Variants in RERE observed in about 807,000 individuals in gnomAD.
The protein encoded by RERE is arginine-glutamic acid dipeptide repeats.
In RERE, 40 loss-of-function variants were observed where a neutral mutation model predicts 146.1. The ratio of observed to expected loss-of-function variants is 0.27; its 90% CI spans 0.21 to 0.36. The LOEUF (loss-of-function observed/expected upper bound fraction) is 0.36. RERE is among the 10% of genes least tolerant of loss of function. The pLI, the probability that RERE is intolerant of heterozygous loss-of-function variation, is 1.00. For missense variants in RERE, 1,933 were observed against 2,138.7 expected (o/e 0.90, Z 1.90); for synonymous variants, 1,003 against 866.0 (o/e 1.16, Z -2.78).
chr1:8,792,358 G>A (rs1641378962), intron 1 of RERE: 1 of 152,130 alleles, frequency 6.6e-6, no homozygotes, highest in Non-Finnish European at 1.5e-5. Context: ...ATTCTTACGG[G>A]ATCCTCTTAT....
chr1:8,530,952 A>G (rs923772497), intron 7 of RERE, among the ~76,000 whole-genome samples: 2 of 151,652 alleles, frequency 1.3e-5, no homozygotes, highest in African/African-American at 4.8e-5. Flanking sequence ...CGGCCTCCCA[A>G]AGTGCTGGGA....
At chr1:8,532,206 G>A (rs148705415) in intron 7 of RERE, among the ~76,000 whole-genome samples, 23 of 152,162 alleles carry the variant, frequency 1.5e-4, no homozygotes, top group African/African-American at 4.8e-4. Context: ...GCTAGACTCC[G>A]TTTGTTAACA....
chr1:8,429,123 T>A (rs1644058874), intron 11 of RERE, among the ~76,000 whole-genome samples: 1 of 152,200 alleles, frequency 6.6e-6, no homozygotes, highest in Non-Finnish European at 1.5e-5. Context: ...CCAGCCACTG[T>A]CTTAAAGGCT....
At chr1:8,800,290 T>G (rs1641562889) in intron 1 of RERE, among the ~76,000 whole-genome samples, 1 of 151,184 alleles carries the variant, frequency 6.6e-6, no homozygotes, top group Non-Finnish European at 1.5e-5. Context: ...ATTAAATGAC[T>G]AAAATCCAGA....
intron 12 of RERE, chr1:8,380,755 T>A: frequency 2.3e-6 from 1 of 433,570 alleles, no homozygotes; most frequent in South Asian, 1.6e-5. Flanking sequence ...AGGTAGAGAT[T>A]TCTCTTTAAG....
intron 4 of RERE, among the ~76,000 whole-genome samples, chr1:8,594,068 A>G (rs1484101836): frequency 6.6e-6 from 1 of 152,168 alleles, no homozygotes; most frequent in African/African-American, 2.4e-5. Context: ...TGACGCTCCC[A>G]TTTTGCAGAC....
chr1:8,632,464 A>G (rs77753730), intron 2 of RERE, among the ~76,000 whole-genome samples: 5,643 of 152,208 alleles, frequency 0.037, 340 homozygotes, highest in African/African-American at 0.13. Flanking sequence ...TTGGCAAATG[A>G]TTTTATTATA....
chr1:8,410,864 G>A (rs1570171968), intron 12 of RERE, among the ~76,000 whole-genome samples: 2 of 152,152 alleles, frequency 1.3e-5, no homozygotes, highest in East Asian at 3.8e-4. Flanking sequence ...CCCCCAGGGA[G>A]CACAACCGCA....
chr1:8,692,422 A>T (rs1639226908), intron 1 of RERE, among the ~76,000 whole-genome samples: 1 of 150,810 alleles, frequency 6.6e-6, no homozygotes, highest in South Asian at 2.1e-4. Context: ...ATCTCAGCTC[A>T]CTGCAACTTC....
intron 4 of RERE, among the ~76,000 whole-genome samples, chr1:8,608,747 G>A (rs1379577244): frequency 6.6e-6 from 1 of 152,196 alleles, no homozygotes; most frequent in East Asian, 1.9e-4. Flanking sequence ...GCGGCTTGAT[G>A]CCCCTTTTGG....
chr1:8,584,508 C>T (rs148278424), intron 4 of RERE, among the ~76,000 whole-genome samples: 1,666 of 152,244 alleles, frequency 0.011, 19 homozygotes, highest in Non-Finnish European at 0.014. Flanking sequence ...GATCCTGCCA[C>T]GGTATTCCAG....
At chr1:8,712,806 A>C (rs1354555999) in intron 1 of RERE, among the ~76,000 whole-genome samples, 1 of 152,190 alleles carries the variant, frequency 6.6e-6, no homozygotes, top group Admixed American at 6.5e-5. Flanking sequence ...CAAAATAAAA[A>C]AAAAACACAG....
intron 1 of RERE, among the ~76,000 whole-genome samples, chr1:8,715,520 T>C (rs1639748000): frequency 6.6e-6 from 1 of 151,680 alleles, no homozygotes; most frequent in East Asian, 1.9e-4. Context: ...TTAATAATAA[T>C]AATAATATAA....
chr1:8,465,774 G>A, intron 11 of RERE, 151 bp downstream of exon 11: 1 of 704,248 alleles, frequency 1.4e-6, no homozygotes, highest in South Asian at 1.5e-5. Context: ...TTAAGGGGCT[G>A]AAGGGCCCCA....
chr1:8,372,507 C>CATGTGT (rs1553157691), intron 12 of RERE, among the ~76,000 whole-genome samples: 1 of 131,764 alleles, frequency 7.6e-6, no homozygotes, highest in African/African-American at 2.8e-5. Flanking sequence ...ACCATCAGGT[C>CATGTGT]GTGTGTGTGT....
chr1:8,402,908 C>T (rs1006719565), intron 12 of RERE, among the ~76,000 whole-genome samples: 5 of 151,712 alleles, frequency 3.3e-5, no homozygotes, highest in Non-Finnish European at 4.4e-5. Flanking sequence ...GTTTCTTTCG[C>T]TTTTTTTTGA....
rs962097011 is a variant in RERE, at chr1:8,782,072, T to C, written c.-145+35088A>G. 3.3e-5 allele frequency among the ~76,000 whole-genome samples: 5 copies of C among 152,134 alleles called. No homozygotes were observed. The East Asian group carries it at 7.7e-4, about 23-fold the overall frequency. On this transcript the variant is annotated intron_variant, in intron 1 of 22. Coordinates refer to ENST00000400908, the MANE Select transcript of RERE (RefSeq NM_001042681.2). ...ACAGCAAATATCCTCAAAAAGGTGC[T>C]ATACTCACTCTCTCAAATTCTCCTT... is the stretch of plus-strand genomic sequence containing the variant.
intron 2 of RERE, among the ~76,000 whole-genome samples, chr1:8,649,302 TA>T (rs35079981): frequency 0.84 from 128,360 of 152,172 alleles, 54,428 homozygotes; most frequent in East Asian, 0.94. Context: ...GTTTTATTTT[TA>T]AACAAGTCTG....
intron 1 of RERE, among the ~76,000 whole-genome samples, chr1:8,789,983 T>C (rs1641334801): frequency 6.6e-6 from 1 of 152,242 alleles, no homozygotes; most frequent in Non-Finnish European, 1.5e-5. Flanking sequence ...AATCTCTAAA[T>C]GTTGTATTCT....
Sources: gnomAD v4.1 joint callset for allele counts (sites outside exome capture counted in the v4.1 genomes callset) on GRCh38, gnomAD v4.1.1 for gene constraint, MANE v1.5 for transcripts, NCBI Gene and HGNC (gene_info 2026-07-23, HGNC 2026-07-21) for gene names.